The following ZNF846 variants were observed in gnomAD, a reference collection of about 807,000 sequenced individuals.
The protein encoded by ZNF846 is zinc finger protein 846.
In ZNF846, 15 loss-of-function variants were observed where a neutral mutation model predicts 16.0. That is an observed-to-expected ratio of 0.94 (90% CI 0.63 to 1.45). The LOEUF (loss-of-function observed/expected upper bound fraction) is 1.45, where lower values mean the gene tolerates loss of function less well. Ranked by LOEUF, ZNF846 falls within the 40% of genes most tolerant of loss-of-function variation. The pLI is 0.00. For synonymous variants in ZNF846, 229 were observed against 212.0 expected (o/e 1.08, Z -0.70); for missense variants, 714 against 622.3 (o/e 1.15, Z -1.57).
intron 1 of ZNF846, chr19:9,774,953 T>C: frequency 1.2e-6 from 2 of 1,608,998 alleles, no homozygotes; most frequent in Non-Finnish European, 8.5e-7. Context: ...AAGTGACCTG[T>C]GGACTAAAAT....
upstream of ZNF846, among the ~76,000 whole-genome samples, chr19:9,770,117 C>T (rs1026434578): frequency 1.3e-5 from 2 of 151,958 alleles, no homozygotes; most frequent in African/African-American, 4.8e-5. Flanking sequence ...TTAAAGTGTA[C>T]AGTTTCGTGG....
exon 4 of ZNF846, chr19:9,762,147 C>G: frequency 1.9e-6 from 3 of 1,614,000 alleles, no homozygotes; most frequent in Middle Eastern, 1.6e-4. Context: ...CATGAGACTA[C>G]GTTTGAATAA....
At chr19:9,750,557 T>A (rs1331742074), downstream of ZNF846, among the ~76,000 whole-genome samples, 3 of 152,178 alleles carry the variant, frequency 2.0e-5, no homozygotes, top group African/African-American at 7.2e-5. Context: ...ACCTGCCAAC[T>A]GGATGGGCAC....
At chr19:9,749,110 G>T (rs1182198726), downstream of ZNF846, among the ~76,000 whole-genome samples, 1 of 152,128 alleles carries the variant, frequency 6.6e-6, no homozygotes, top group East Asian at 1.9e-4. Context: ...CAGCCAGCCA[G>T]CCTGATCTCT....
downstream of ZNF846, chr19:9,756,382 T>TA (rs1555711399): frequency 1.7e-5 from 2 of 119,524 alleles, no homozygotes; most frequent in African/African-American, 6.1e-5. Flanking sequence ...TATATATATA[T>TA]ATAAAGACAT....
rs113160573 is a variant in ZNF846, at chr19:9,777,149, GCA to G, written c.-86+8787_-86+8788del. On this transcript the variant is annotated intron_variant, in intron 1 of 4. Coordinates refer to the ZNF846 transcript ENST00000586814. ...AGAACGAAAGAAAACACACACACAC[GCA>G]CACACACACACACACACACACACAC... is the stretch of plus-strand genomic sequence containing the variant. Among the ~76,000 whole-genome samples, 708 of 130,992 alleles carry G rather than the reference GCA, an allele frequency of 5.4e-3. 3 individuals are homozygous for G. The highest frequency in any genetic ancestry group is 9.4e-3 in the South Asian group (37 of 3,928). 85.9% of individuals were successfully genotyped at this position (130,992 alleles called of 152,430 possible).
At chr19:9,782,320 C>T (rs947912744) in intron 1 of ZNF846, among the ~76,000 whole-genome samples, 6 of 152,146 alleles carry the variant, frequency 3.9e-5, no homozygotes, top group African/African-American at 7.2e-5. Flanking sequence ...GGCTAGAGTG[C>T]AGTGGTGCTG....
downstream of ZNF846, chr19:9,755,778 C>T (rs1195136770): frequency 8.6e-5 from 8 of 92,746 alleles, no homozygotes; most frequent in Non-Finnish European, 1.5e-4. Context: ...CCAGCCTGGG[C>T]GACAGAGCGA....
intron 3 of ZNF846, 107 bp from the exon 4 acceptor site, chr19:9,762,275 T>C (rs920118179): frequency 1.0e-5 from 8 of 775,354 alleles, no homozygotes; most frequent in Non-Finnish European, 1.8e-5. Flanking sequence ...GATGGTCAAG[T>C]GTAACTTTAC....
rs1480252707 is a variant in ZNF846, at chr19:9,785,472, A to G, written c.-86+466T>C. Among the ~76,000 whole-genome samples the G allele has an allele frequency of 2.0e-5, 3 of 147,712 alleles. No individual in the cohort carries two copies. In the East Asian group the frequency reaches 6.1e-4, roughly 30 times the overall value. ...CAGCCTCCCAGTCTGTCCCCTCACC[A>G]CTACTCTCTTTCACGGAGACCCCAC... On this transcript the variant is annotated intron_variant, in intron 1 of 4. Coordinates refer to the ZNF846 transcript ENST00000586814.
chr19:9,752,300 T>C (rs558508901), exon 6 of ZNF846: 6 of 187,282 alleles, frequency 3.2e-5, no homozygotes, highest in South Asian at 1.5e-4. Context: ...TGTTCTTCCA[T>C]ATACCTTTTA....
Position 9,773,833 on chromosome 19 carries a change from A to G in ZNF846, c.-85-8798T>C, listed in dbSNP as rs145200147. On this transcript the variant is annotated intron_variant, in intron 1 of 4. Coordinates refer to the ZNF846 transcript ENST00000586814. ...TAAATAAGCATAGAATTGCAAAAGAAGGAAACTATCTCTTTTTGCAGATGA... is the reference window on the plus strand; with the variant it reads ...TAAATAAGCATAGAATTGCAAAAGAGGGAAACTATCTCTTTTTGCAGATGA... Among the ~76,000 whole-genome samples the G allele has an allele frequency of 3.5e-3, 540 of 152,320 alleles. 3 individuals are homozygous for G. The highest frequency in any genetic ancestry group is 5.5e-3 in the Non-Finnish European group (375 of 68,036).
upstream of ZNF846, among the ~76,000 whole-genome samples, chr19:9,770,887 A>C (rs2045384374): frequency 6.6e-6 from 1 of 152,172 alleles, no homozygotes; most frequent in African/African-American, 2.4e-5. Flanking sequence ...AAAATAAAAA[A>C]TAAATCCCCA....
At chr19:9,754,319 C>A (rs771346178), downstream of ZNF846, among the ~76,000 whole-genome samples, 1 of 151,290 alleles carries the variant, frequency 6.6e-6, no homozygotes, top group East Asian at 1.9e-4. Flanking sequence ...AATCCTAGCA[C>A]TTTGGGAGGC....
At chr19:9,755,822 A>AC (rs1275223628), downstream of ZNF846, among the ~76,000 whole-genome samples, 100 of 136,424 alleles carry the variant, frequency 7.3e-4, no homozygotes, top group Non-Finnish European at 1.2e-3. Flanking sequence ...AAAAAAAAAA[A>AC]AAAAAAAAAA....
chr19:9,771,411 CAA>C (rs1305770505), upstream of ZNF846, among the ~76,000 whole-genome samples: 3 of 152,148 alleles, frequency 2.0e-5, no homozygotes, highest in Admixed American at 2.0e-4. Context: ...CTGCTGGCCT[CAA>C]GTGATCCACC....
At chr19:9,757,749 G>A in exon 6 of ZNF846, 1 of 1,613,408 alleles carries the variant, frequency 6.2e-7, no homozygotes, top group Non-Finnish European at 8.5e-7. Context: ...TCCAGTGTGA[G>A]TTCTTAAATG....
intron 1 of ZNF846, among the ~76,000 whole-genome samples, chr19:9,785,632 G>A (rs2045551629): frequency 2.0e-5 from 1 of 50,830 alleles, no homozygotes; most frequent in African/African-American, 8.6e-5. Flanking sequence ...CCCTCACCCA[G>A]ACCCCGCCCC....
At chr19:9,779,632 G>A (rs529569673) in intron 1 of ZNF846, among the ~76,000 whole-genome samples, 182 of 149,956 alleles carry the variant, frequency 1.2e-3, no homozygotes, top group Admixed American at 1.8e-3. Context: ...GTGTAATGGC[G>A]TGATCTCAGC....
Sources: gnomAD v4.1 joint callset for allele counts (sites outside exome capture counted in the v4.1 genomes callset) on GRCh38, gnomAD v4.1.1 for gene constraint, MANE v1.5 for transcripts, NCBI Gene and HGNC (gene_info 2026-07-23, HGNC 2026-07-21) for gene names.